Variants in DMD observed in about 807,000 individuals in gnomAD.
The protein encoded by DMD is mutant dystrophin.
A neutral mutation model predicts 330.1 loss-of-function variants in DMD; 63 were observed. The ratio of observed to expected loss-of-function variants is 0.19; its 90% CI spans 0.16 to 0.24. The LOEUF (loss-of-function observed/expected upper bound fraction) is 0.24. Ranked by LOEUF, DMD falls within the 10% of genes least tolerant of loss-of-function variation. DMD has a pLI of 1.00. For missense variants in DMD, 3,344 were observed against 2,684.1 expected (o/e 1.25, Z -5.43); for synonymous variants, 1,223 against 959.8 (o/e 1.27, Z -5.07).
At chrX:32,850,056 C>T (rs2081011702) in intron 2 of DMD, among the ~76,000 whole-genome samples, 1 of 111,590 alleles carries the variant, frequency 9.0e-6, no homozygotes, top group Non-Finnish European at 1.9e-5. Context: ...GAGATTTATA[C>T]CCTAAATGAT....
At chrX:32,810,948 G>A (rs767761518) in intron 6 of DMD, among the ~76,000 whole-genome samples, 2 of 110,953 alleles carry the variant, frequency 1.8e-5, no homozygotes, top group Admixed American at 1.9e-4. Flanking sequence ...GCTTTTCGAA[G>A]ACATAAACAT....
intron 1 of DMD, among the ~76,000 whole-genome samples, chrX:33,163,072 C>A (rs967415308): frequency 6.3e-5 from 7 of 111,466 alleles, no homozygotes; most frequent in Non-Finnish European, 1.3e-4. Flanking sequence ...CCTGCCATGG[C>A]TTCGCTTAAT....
intron 27 of DMD, among the ~76,000 whole-genome samples, chrX:32,442,760 G>A (rs955771976): frequency 1.8e-5 from 2 of 110,531 alleles, no homozygotes; most frequent in African/African-American, 6.6e-5. Flanking sequence ...ACTGCAAGGA[G>A]AATGGAAAAA....
chrX:32,901,461 T>C (rs767685398), intron 2 of DMD, among the ~76,000 whole-genome samples: 1 of 109,211 alleles, frequency 9.2e-6, no homozygotes, highest in Non-Finnish European at 1.9e-5. Context: ...TCAAAATCCA[T>C]TATTAAATAC....
At chrX:33,289,221 T>C (rs1157672423) in intron 1 of DMD, among the ~76,000 whole-genome samples, 1 of 111,187 alleles carries the variant, frequency 9.0e-6, no homozygotes, top group Non-Finnish European at 1.9e-5. Context: ...AAAACCATTA[T>C]TTTCAAAGGA....
chrX:33,171,915 T>A (rs1385227470), intron 1 of DMD, among the ~76,000 whole-genome samples: 2 of 111,025 alleles, frequency 1.8e-5, no homozygotes, highest in East Asian at 5.7e-4. Flanking sequence ...AGGAAAAGGA[T>A]CTCTAAATAT....
At position 32,190,361 on chromosome X, in the gene DMD, T is replaced by C. The variant is rs554682841; in HGVS notation, c.6438+26555A>G. Among the ~76,000 whole-genome samples the C allele has an allele frequency of 3.5e-4, 38 of 108,489 alleles. No individual in the cohort carries two copies. The South Asian group carries it at 0.014, about 41-fold the overall frequency. The allele number at this position is 108,489 out of a possible 115,157, so 94.2% of individuals were successfully genotyped here. On this transcript the variant is annotated intron_variant, in intron 44 of 78. Coordinates refer to ENST00000357033, the MANE Select transcript of DMD (RefSeq NM_004006.3). ...CTGAAAAACTCCATCAGAGACCACA[T>C]ATGTTTTGTGCAATGCTATACCGCC...
At chrX:31,311,282 G>C (rs746092535) in intron 62 of DMD, among the ~76,000 whole-genome samples, 5 of 111,241 alleles carry the variant, frequency 4.5e-5, no homozygotes, top group Admixed American at 2.9e-4. Flanking sequence ...CAAAATCAAG[G>C]ACATGCACAA....
chrX:32,727,621 C>G (rs754470640), intron 7 of DMD, among the ~76,000 whole-genome samples: 4 of 110,530 alleles, frequency 3.6e-5, no homozygotes, highest in Non-Finnish European at 5.7e-5. Context: ...TATCCGGAAA[C>G]ATGACTTTCC....
At chrX:33,283,529 G>GAA (rs200188158) in intron 1 of DMD, among the ~76,000 whole-genome samples, 2 of 78,609 alleles carry the variant, frequency 2.5e-5, no homozygotes. Flanking sequence ...TGGTCTCAAA[G>GAA]AAAAAAAAAA....
chrX:31,177,192 T>A (rs1247023000), intron 71 of DMD, among the ~76,000 whole-genome samples: 2 of 111,582 alleles, frequency 1.8e-5, no homozygotes, highest in East Asian at 5.6e-4. Flanking sequence ...AAGAGTTTTC[T>A]AGCATTATAA....
intron 43 of DMD, among the ~76,000 whole-genome samples, chrX:32,243,211 C>T (rs932814490): frequency 9.1e-6 from 1 of 110,055 alleles, no homozygotes; most frequent in African/African-American, 3.3e-5. Flanking sequence ...CTTTCTGTAG[C>T]GTAATAATAA....
chrX:32,878,551 CA>C (rs2083573124), intron 2 of DMD, among the ~76,000 whole-genome samples: 1 of 110,955 alleles, frequency 9.0e-6, no homozygotes, highest in Non-Finnish European at 1.9e-5. Flanking sequence ...AGCTATACTA[CA>C]AAACTACAAT....
At chrX:32,874,107 G>A (rs1355614602) in intron 2 of DMD, among the ~76,000 whole-genome samples, 1 of 112,007 alleles carries the variant, frequency 8.9e-6, no homozygotes, top group Non-Finnish European at 1.9e-5. Context: ...ATCCCTCACA[G>A]CAGCTGTCAT....
intron 77 of DMD, among the ~76,000 whole-genome samples, chrX:31,128,792 C>T (rs992292041): frequency 1.8e-5 from 2 of 111,346 alleles, no homozygotes; most frequent in African/African-American, 3.3e-5. Flanking sequence ...TGGGTCCCCA[C>T]GTACTCATTA....
rs2050689590 is a variant in DMD at position 33,192,193 on chromosome X, TA to T, written c.31+19088del. On this transcript the variant is annotated intron_variant, in intron 1 of 78. Coordinates refer to ENST00000357033, the MANE Select transcript of DMD (RefSeq NM_004006.3). ...TCACTTCACCTTCTTTGGCCTTTTT[TA>T]CCCTTTTGTGTAAAAGAAGATTCTT... 3.6e-5 allele frequency among the ~76,000 whole-genome samples: 4 copies of T among 112,098 alleles called. No individual in the cohort carries two copies. The South Asian group carries it at 1.5e-3, about 41-fold the overall frequency.
Position 33,250,061 on chromosome X carries a change from G to A in DMD, c.7+89198C>T, listed in dbSNP as rs755664326. The stretch of plus-strand genomic sequence containing the variant: ...GTTCTTTTTTCAGTTCTGTATAATA[G>A]CCCACATAGTAGTAAACTATTCATT... On this transcript the variant is annotated intron_variant, in intron 1 of 17. Transcript: ENST00000288447. Among the ~76,000 whole-genome samples the A allele has an allele frequency of 3.3e-5, 3 of 90,992 alleles. No individual in the cohort carries two copies. In the East Asian group the frequency reaches 9.4e-4, roughly 29 times the overall value. 79.0% of individuals were successfully genotyped at this position (90,992 alleles called of 115,157 possible).
intron 26 of DMD, among the ~76,000 whole-genome samples, chrX:32,452,142 G>A (rs1165584408): frequency 1.9e-5 from 2 of 107,608 alleles, no homozygotes; most frequent in Non-Finnish European, 3.9e-5. Flanking sequence ...AGGAACCCAG[G>A]GATAATCAGA....
chrX:31,263,087 A>G (rs2050686516), intron 62 of DMD, among the ~76,000 whole-genome samples: 1 of 112,572 alleles, frequency 8.9e-6, no homozygotes, highest in Non-Finnish European at 1.9e-5. Context: ...CTTACTAGTC[A>G]CACTGTGTAA....
Sources: gnomAD v4.1 joint callset for allele counts (sites outside exome capture counted in the v4.1 genomes callset) on GRCh38, gnomAD v4.1.1 for gene constraint, MANE v1.5 for transcripts, NCBI Gene and HGNC (gene_info 2026-07-23, HGNC 2026-07-21) for gene names.